MYO7A: variants seen among roughly 807,000 people sequenced by gnomAD.
The protein encoded by MYO7A is myosin VIIA.
A neutral mutation model predicts 263.8 loss-of-function variants in MYO7A; 210 were observed. That is an observed-to-expected ratio of 0.80 (90% CI 0.71 to 0.89). The LOEUF (loss-of-function observed/expected upper bound fraction) is 0.89, where lower values mean the gene tolerates loss of function less well. Ranked by LOEUF, MYO7A falls within the 40% of genes least tolerant of loss-of-function variation. The probability of loss-of-function intolerance (pLI) is 0.00; values close to 1 mark genes in which losing one functional copy is unlikely to be tolerated. For missense variants in MYO7A, 2,820 were observed against 2,968.3 expected (o/e 0.95, Z 1.16); for synonymous variants, 1,239 against 1,197.3 (o/e 1.03, Z -0.72).
At position 77,156,795 on chromosome 11, in the gene MYO7A, T is replaced by C; in HGVS notation, c.592+14T>C. On this transcript the variant is annotated intron_variant, in intron 6 of 48. Coordinates refer to ENST00000409709, the MANE Select transcript of MYO7A (RefSeq NM_000260.4). ...CCATTCTGGAAGGTAGGACCAGAGTTCCGAGGGTGGGACCAGGCAGTGGGG... is the reference window on the plus strand; with the variant it reads ...CCATTCTGGAAGGTAGGACCAGAGTCCCGAGGGTGGGACCAGGCAGTGGGG... The C allele has an allele frequency of 6.2e-7, 1 of 1,613,928 alleles. No homozygotes were observed. The highest frequency in any genetic ancestry group is 1.1e-5 in the South Asian group (1 of 91,076).
intron 9 of MYO7A, 146 bp downstream of exon 9, chr11:77,158,576 A>G: frequency 7.6e-6 from 8 of 1,053,614 alleles, no homozygotes; most frequent in South Asian, 1.8e-5. Context: ...GCCTGTGGGT[A>G]GATTTGAACA....
At chr11:77,212,392 G>C (rs1167301679) in intron 46 of MYO7A, 3 of 360,022 alleles carry the variant, frequency 8.3e-6, no homozygotes, top group Non-Finnish European at 1.6e-5. Context: ...CAAGTAGTGA[G>C]GGCAGGAGGC....
At chr11:77,160,890 C>T (rs1409227141) in intron 11 of MYO7A, 83 bp from the exon 12 acceptor site, 16 of 1,487,792 alleles carry the variant, frequency 1.1e-5, no homozygotes, top group East Asian at 4.9e-5. Flanking sequence ...AGGGCTGGAG[C>T]GACACCACGA....
intron 19 of MYO7A, 99 bp from the exon 20 acceptor site, chr11:77,178,946 T>G (rs1044073947): frequency 7.8e-6 from 7 of 892,250 alleles, no homozygotes; most frequent in Admixed American, 2.0e-5. Context: ...AGCTAGGAAG[T>G]CACAGAGCTG....
chr11:77,147,011 G>C (rs1204488143), intron 3 of MYO7A, among the ~76,000 whole-genome samples: 2 of 152,108 alleles, frequency 1.3e-5, no homozygotes, highest in Non-Finnish European at 2.9e-5. Context: ...CAGGCAGCCT[G>C]TGTCCTCCAC....
chr11:77,145,295 T>C (rs1312838806), intron 3 of MYO7A, among the ~76,000 whole-genome samples: 2 of 152,146 alleles, frequency 1.3e-5, no homozygotes, highest in African/African-American at 4.8e-5. Flanking sequence ...CAAAGATGGA[T>C]GTCGTGATCA....
chr11:77,130,817 C>G (rs2135522604), intron 2 of MYO7A, among the ~76,000 whole-genome samples, 165 bp downstream of exon 2: 1 of 152,366 alleles, frequency 6.6e-6, no homozygotes, highest in South Asian at 2.1e-4. Flanking sequence ...AACCTGTTCC[C>G]TCTGCTGTGC....
At chr11:77,169,325 C>T (rs1953856467) in intron 15 of MYO7A, among the ~76,000 whole-genome samples, 1 of 152,252 alleles carries the variant, frequency 6.6e-6, no homozygotes, top group African/African-American at 2.4e-5. Flanking sequence ...CCCAGCCCAG[C>T]TGTGATAAAG....
At position 77,172,806 on chromosome 11, in the gene MYO7A, AGCT is replaced by A; in HGVS notation, c.1861_1863del (p.Leu621del). 6.4e-7 allele frequency: 1 copy of A among 1,556,332 alleles called. No individual in the cohort carries two copies. Among genetic ancestry groups the A allele is most frequent in the South Asian group, 1.2e-5 (1 of 84,202 alleles). ...AGCAGCCAGTTCAAGCGGTCACTGGAGCTGCTGATGCGCACGCTGGGTGCCTGC... is the reference window on the plus strand; with the variant it reads ...AGCAGCCAGTTCAAGCGGTCACTGGAGCTGATGCGCACGCTGGGTGCCTGC... On this transcript the variant is annotated inframe_deletion, in exon 16 of 49. Coordinates refer to ENST00000409709, the MANE Select transcript of MYO7A (RefSeq NM_000260.4).
In MYO7A at chr11:77,138,324, C is replaced by T. The variant is rs1188922296; in HGVS notation, c.19-4385C>T. Among the ~76,000 whole-genome samples, 1 of 141,928 alleles carries T rather than the reference C, an allele frequency of 7.0e-6. No individual in the cohort carries two copies. Among genetic ancestry groups the T allele is most frequent in the Non-Finnish European group, 1.5e-5 (1 of 65,518 alleles). The allele number at this position is 141,928 out of a possible 152,430, so 93.1% of individuals were successfully genotyped here. On this transcript the variant is annotated intron_variant, in intron 2 of 48. Transcript: ENST00000409709. The surrounding 1 kb of genome is among the most constrained non-coding windows in gnomAD (Gnocchi z 4.9). Reference sequence around the variant, plus strand: ...GTCGCAGCGCCATGGAGGACCCCGCCGACCCTGCCGACCCCGCGCGCATCC... The same window carrying T: ...GTCGCAGCGCCATGGAGGACCCCGCTGACCCTGCCGACCCCGCGCGCATCC...
At chr11:77,162,746 G>A in intron 13 of MYO7A, 107 bp from the exon 14 acceptor site, 1 of 1,450,784 alleles carries the variant, frequency 6.9e-7, no homozygotes, top group Non-Finnish European at 9.3e-7. Context: ...AGAAATAAAA[G>A]GAGGGGAAGC....
chr11:77,189,621 C>T (rs575788955), intron 28 of MYO7A, among the ~76,000 whole-genome samples, 151 bp downstream of exon 28: 16 of 152,354 alleles, frequency 1.1e-4, no homozygotes, highest in Non-Finnish European at 1.8e-4. Context: ...GGCACCCCCT[C>T]CTCTCAGGCA....
At chr11:77,169,647 A>G (rs904762782) in intron 15 of MYO7A, among the ~76,000 whole-genome samples, 31 of 152,338 alleles carry the variant, frequency 2.0e-4, no homozygotes, top group African/African-American at 7.5e-4. Context: ...AGAAACCCAG[A>G]TGGCTACCTA....
At chr11:77,202,232 T>A in intron 36 of MYO7A, 68 bp from the exon 37 acceptor site, 1 of 1,507,674 alleles carries the variant, frequency 6.6e-7, no homozygotes. Context: ...GGCTTCAGGG[T>A]ATACCATGTT....
At position 77,157,296 on chromosome 11, in the gene MYO7A, C is replaced by G; in HGVS notation, c.753C>G (p.Asn251Lys). The part of the protein sequence containing the change: ...RVCRQALDER[N>K]YHVFYCMLEG... ...ATTTTCAGGCCCTGGATGAAAGGAA[C>G]TACCACGTGTTCTACTGCATGCTGG... The change falls in exon 8 of 49, where the codon AAC becomes AAG. Residue 251 changes from asparagine (N) to lysine (K), a missense_variant. By Grantham distance (94) the Asn-to-Lys change is moderately conservative (BLOSUM62 0). Coordinates refer to ENST00000409709, the MANE Select transcript of MYO7A (RefSeq NM_000260.4). The G allele has an allele frequency of 6.2e-7, 1 of 1,610,834 alleles. No individual in the cohort carries two copies. The highest frequency in any genetic ancestry group is 8.5e-7 in the Non-Finnish European group (1 of 1,178,584).
intron 4 of MYO7A, among the ~76,000 whole-genome samples, chr11:77,153,914 G>A (rs1385328275): frequency 2.6e-5 from 4 of 152,240 alleles, no homozygotes; most frequent in African/African-American, 4.8e-5. Context: ...AGCCTGTGCT[G>A]TGTGGGGATC....
intron 18 of MYO7A, among the ~76,000 whole-genome samples, chr11:77,175,994 G>T (rs559458624): frequency 5.9e-5 from 9 of 152,362 alleles, no homozygotes; most frequent in South Asian, 2.1e-4. Context: ...GAGTCGCGGA[G>T]TCACAGCCTT....
At chr11:77,143,862 G>A (rs961761809) in intron 3 of MYO7A, among the ~76,000 whole-genome samples, 13 of 152,124 alleles carry the variant, frequency 8.5e-5, no homozygotes, top group Admixed American at 2.0e-4. Flanking sequence ...CAGGACCCTC[G>A]AGGCCAGGTG....
At chr11:77,134,684 ATTT>A (rs1312400488) in intron 2 of MYO7A, among the ~76,000 whole-genome samples, 4 of 145,808 alleles carry the variant, frequency 2.7e-5, no homozygotes, top group African/African-American at 1.0e-4. Flanking sequence ...GTGTTCTTTA[ATTT>A]TTTTGTATGG....
Sources: gnomAD v4.1 joint callset for allele counts (sites outside exome capture counted in the v4.1 genomes callset) on GRCh38, gnomAD v4.1.1 for gene constraint, Gnocchi (gnomAD v3.1) non-coding constraint, MANE v1.5 for transcripts, NCBI Gene and HGNC (gene_info 2026-07-23, HGNC 2026-07-21) for gene names.